ST6GALNAC2: variants seen among roughly 807,000 people sequenced by gnomAD.
The protein encoded by ST6GALNAC2 is ST6 N-acetylgalactosaminide alpha-2,6-sialyltransferase 2.
A neutral mutation model predicts 38.7 loss-of-function variants in ST6GALNAC2; 42 were observed. That is an observed-to-expected ratio of 1.09 (90% CI 0.85 to 1.40). ST6GALNAC2 has a LOEUF of 1.40. Among genes scored for constraint, ST6GALNAC2 ranks in the 40% most tolerant of loss-of-function variants. The probability of loss-of-function intolerance (pLI) is 0.00; values close to 1 mark genes in which losing one functional copy is unlikely to be tolerated. For synonymous variants in ST6GALNAC2, 233 were observed against 209.0 expected (o/e 1.11, Z -0.99); for missense variants, 506 against 481.7 (o/e 1.05, Z -0.47).
In ST6GALNAC2 at chr17:76,585,810, C is replaced by T. The variant is rs773052566; in HGVS notation, c.-2G>A. 7.8e-6 allele frequency: 12 copies of T among 1,538,882 alleles called. No individual in the cohort carries two copies. Among genetic ancestry groups the T allele is most frequent in the Non-Finnish European group, 1.0e-5 (12 of 1,145,460 alleles). Reference sequence around the variant, plus strand: ...GAACGACCCGCGCGGGAGCCCCATACAGCCCCGGCCCGCGAGCGCCCCGTC... The same window carrying T: ...GAACGACCCGCGCGGGAGCCCCATATAGCCCCGGCCCGCGAGCGCCCCGTC... On this transcript the variant is annotated 5_prime_UTR_variant, in exon 1 of 9. Transcript: ENST00000225276.
At position 76,566,089 on chromosome 17, in the gene ST6GALNAC2, C is replaced by G; in HGVS notation, c.*15G>C. ...CCGCAACTCTTGAAGAAGCAAAGGG[C>G]TCAGTGCATTGGGGTCAGCGCTGGT... On this transcript the variant is annotated 3_prime_UTR_variant, in exon 9 of 9. Transcript: ENST00000225276. 1 of 1,607,766 alleles carries G rather than the reference C, an allele frequency of 6.2e-7. No homozygotes were observed. Among genetic ancestry groups the G allele is most frequent in the East Asian group, 2.2e-5 (1 of 44,788 alleles).
chr17:76,570,485 C>A, intron 6 of ST6GALNAC2, 80 bp downstream of exon 6: 1 of 970,682 alleles, frequency 1.0e-6, no homozygotes, highest in Non-Finnish European at 1.6e-6. Context: ...CCATGATGGG[C>A]CCTGGGAGCA....
intron 6 of ST6GALNAC2, 38 bp downstream of exon 6, chr17:76,570,526 CT>C: frequency 6.8e-7 from 1 of 1,470,548 alleles, no homozygotes; most frequent in Non-Finnish European, 9.4e-7. Flanking sequence ...TCCCTTGCCC[CT>C]CTGCCACGCC....
At chr17:76,567,751 G>A in intron 7 of ST6GALNAC2, 199 bp from the exon 8 acceptor site, 1 of 510,130 alleles carries the variant, frequency 2.0e-6, no homozygotes, top group Non-Finnish European at 3.5e-6. Flanking sequence ...GGTGAGAAAG[G>A]AACCACAGGT....
At chr17:76,569,085 G>T (rs1318123489) in intron 6 of ST6GALNAC2, 1 of 136,196 alleles carries the variant, frequency 7.3e-6, no homozygotes, top group Non-Finnish European at 1.3e-5. Context: ...GGGGGTGGTG[G>T]GGGGGCGGGG....
chr17:76,570,944 G>C, intron 5 of ST6GALNAC2: 1 of 389,944 alleles, frequency 2.6e-6, no homozygotes, highest in East Asian at 4.7e-5. Flanking sequence ...GGAAAGTGAT[G>C]GTGTGTGGCT....
At position 76,568,510 on chromosome 17, in the gene ST6GALNAC2, T is replaced by C. The variant is rs544066393; in HGVS notation, c.857+203A>G. The C allele has an allele frequency of 1.0e-4, 62 of 601,320 alleles. 1 individual carries two copies. Among genetic ancestry groups the C allele is most frequent in the Admixed American group, 7.5e-4 (26 of 34,522 alleles). The allele number at this position is 601,320 out of a possible 1,614,324, so 37.2% of individuals were successfully genotyped here. A position where few individuals can be genotyped will look rare whatever the true frequency, so the allele number is the denominator to read the frequency against. ...AGTTTCCTGTCCATTTCCTGGTGAC[T>C]GACATATATCACCCTCCCTCTATCA... On this transcript the variant is annotated intron_variant, in intron 7 of 8. Transcript: ENST00000225276.
rs2075537081 is a variant in ST6GALNAC2, at chr17:76,585,682, A to G, written c.125+2T>C. 7.9e-6 allele frequency: 12 copies of G among 1,523,978 alleles called. No individual in the cohort carries two copies. The highest frequency in any genetic ancestry group is 1.1e-5 in the Non-Finnish European group (12 of 1,140,514). 94.4% of individuals were successfully genotyped at this position (1,523,978 alleles called of 1,614,324 possible). A position where few individuals can be genotyped will look rare whatever the true frequency, so the allele number is the denominator to read the frequency against. ...TCCCGCTCTGCGCTCGGCAGCCCCT[A>G]CCTGGCTCCGGCCGCTGGCCCCGGG... On this transcript the variant is annotated splice_donor_variant, in intron 1 of 8. Coordinates refer to ENST00000225276, the MANE Select transcript of ST6GALNAC2 (RefSeq NM_006456.3). LOFTEE classifies it high-confidence loss of function.
chr17:76,567,394 T>C (rs909240803), intron 8 of ST6GALNAC2, 59 bp downstream of exon 8: 14 of 1,242,490 alleles, frequency 1.1e-5, no homozygotes, highest in African/African-American at 1.0e-4. Flanking sequence ...GGGGATCCTG[T>C]TGGGTTCTGT....
At chr17:76,568,437 C>G in intron 7 of ST6GALNAC2, 1 of 448,426 alleles carries the variant, frequency 2.2e-6, no homozygotes. Context: ...ACCTTATGGT[C>G]CCAGCTCCCA....
At chr17:76,578,842 G>A (rs1291795555) in intron 1 of ST6GALNAC2, 26 bp from the exon 2 acceptor site, 1 of 1,609,894 alleles carries the variant, frequency 6.2e-7, no homozygotes, top group Admixed American at 1.7e-5. Flanking sequence ...GAAAAAAGCA[G>A]GGGTCAGCAG....
intron 4 of ST6GALNAC2, 45 bp from the exon 5 acceptor site, chr17:76,572,820 C>T (rs780476055): frequency 2.7e-5 from 43 of 1,611,314 alleles, no homozygotes; most frequent in South Asian, 8.8e-5. Flanking sequence ...TACACCAGGC[C>T]GTCTGTTCTG....
At chr17:76,568,873 G>A (rs1309170633) in intron 6 of ST6GALNAC2, 77 bp from the exon 7 acceptor site, 1 of 1,447,152 alleles carries the variant, frequency 6.9e-7, no homozygotes, top group South Asian at 1.2e-5. Flanking sequence ...GAGGGTCAGG[G>A]CGCCGGAGTA....
At chr17:76,584,334 C>T (rs929884363) in intron 1 of ST6GALNAC2, among the ~76,000 whole-genome samples, 1 of 151,734 alleles carries the variant, frequency 6.6e-6, no homozygotes, top group Non-Finnish European at 1.5e-5. Context: ...TAGATGGAAG[C>T]ACAGGCATGC....
Position 76,573,153 on chromosome 17 carries a change from C to G in ST6GALNAC2, c.530+42G>C. The G allele has an allele frequency of 5.2e-6, 8 of 1,538,938 alleles. No homozygotes were observed. The highest frequency in any genetic ancestry group is 7.1e-6 in the Non-Finnish European group (8 of 1,131,522). On this transcript the variant is annotated intron_variant, in intron 4 of 8. Coordinates refer to ENST00000225276, the MANE Select transcript of ST6GALNAC2 (RefSeq NM_006456.3). This position sits in a 1 kb window ranked among gnomAD's most constrained non-coding sequence, Gnocchi z 5.1. Reference sequence around the variant, plus strand: ...GGGGGAGACACCCCCACCCTCCAGGCAACTCTCCCTCCCGCCCCTCCCCAG... The same window carrying G: ...GGGGGAGACACCCCCACCCTCCAGGGAACTCTCCCTCCCGCCCCTCCCCAG...
chr17:76,583,792 T>C (rs2075509033), intron 1 of ST6GALNAC2, among the ~76,000 whole-genome samples: 1 of 145,622 alleles, frequency 6.9e-6, no homozygotes, highest in Admixed American at 7.5e-5. Context: ...CACATATGTA[T>C]AGGGTACAGT....
chr17:76,566,416 G>A (rs757880758), intron 8 of ST6GALNAC2, 145 bp from the exon 9 acceptor site: 3 of 849,676 alleles, frequency 3.5e-6, no homozygotes, highest in Non-Finnish European at 5.6e-6. Context: ...AGCAAGTGGG[G>A]AGATGGATTC....
At chr17:76,585,536 G>C in intron 1 of ST6GALNAC2, 148 bp downstream of exon 1, 1 of 930,134 alleles carries the variant, frequency 1.1e-6, no homozygotes, top group South Asian at 2.1e-5. Flanking sequence ...AAAGGGCCGC[G>C]GCCGAGTCCT....
chr17:76,570,811 G>A (rs926386979), intron 5 of ST6GALNAC2, 143 bp from the exon 6 acceptor site: 1 of 654,852 alleles, frequency 1.5e-6, no homozygotes, highest in Non-Finnish European at 2.7e-6. Flanking sequence ...CAGAGGTGCT[G>A]TACTGGTTTC....
Sources: allele counts gnomAD v4.1 joint callset (sites outside exome capture counted in the v4.1 genomes callset), GRCh38; gene constraint gnomAD v4.1.1; non-coding constraint Gnocchi (gnomAD v3.1); transcripts MANE v1.5; gene names NCBI Gene and HGNC (gene_info 2026-07-23, HGNC 2026-07-21).